Variants in GFRA2 observed in about 807,000 individuals in gnomAD.
The protein encoded by GFRA2 is GDNF family receptor alpha 2.
Under a neutral mutation model 48.3 loss-of-function variants are expected in GFRA2, and 17 were observed. The observed-to-expected ratio is 0.35, with a 90% CI of 0.24 to 0.53. The LOEUF (loss-of-function observed/expected upper bound fraction) is 0.53. GFRA2 is among the 20% of genes least tolerant of loss of function. The pLI, the probability that GFRA2 is intolerant of heterozygous loss-of-function variation, is 0.93. For missense variants in GFRA2, 660 were observed against 637.3 expected (o/e 1.04, Z -0.38); for synonymous variants, 305 against 257.2 (o/e 1.19, Z -1.78).
At chr8:21,783,209 C>T in intron 1 of GFRA2, 2 of 524,250 alleles carry the variant, frequency 3.8e-6, no homozygotes, top group Non-Finnish European at 3.6e-6. Flanking sequence ...ACGTCAGGAG[C>T]CCAGAGGAGA....
intron 7 of GFRA2, among the ~76,000 whole-genome samples, chr8:21,697,901 C>T (rs977452384): frequency 6.6e-6 from 1 of 152,182 alleles, no homozygotes; most frequent in African/African-American, 2.4e-5. Flanking sequence ...TCATCTTCTG[C>T]CATGATTGTG....
At chr8:21,756,533 C>T (rs901899707) in intron 3 of GFRA2, among the ~76,000 whole-genome samples, 1 of 152,172 alleles carries the variant, frequency 6.6e-6, no homozygotes, top group African/African-American at 2.4e-5. Context: ...CCACTGCCAT[C>T]TGCAGCAGAA....
intron 4 of GFRA2, among the ~76,000 whole-genome samples, chr8:21,722,015 G>A (rs1803623904): frequency 6.6e-6 from 1 of 152,302 alleles, no homozygotes; most frequent in Admixed American, 6.5e-5. Flanking sequence ...ATAGACTAAT[G>A]AGAATGCTGT....
rs1585350076 is a variant in GFRA2, at chr8:21,794,051, CAT to C, written c.-35-5859_-35-5858del. ...ATTTACTTAGCAGAGATGAGGTCTC[CAT>C]ATGTTACCCAGGCTGGTCTTGAACT... On this transcript the variant is annotated intron_variant, in intron 2 of 10. Coordinates refer to the GFRA2 transcript ENST00000517328. Among the ~76,000 whole-genome samples the C allele has an allele frequency of 5.9e-5, 9 of 151,746 alleles. 1 individual carries two copies. The South Asian group carries it at 1.9e-3, about 32-fold the overall frequency.
At position 21,693,235 on chromosome 8, in the gene GFRA2, G is replaced by A. The variant is rs1801957534; in HGVS notation, c.*43C>T. On this transcript the variant is annotated 3_prime_UTR_variant, in exon 9 of 9. Coordinates refer to ENST00000524240, the MANE Select transcript of GFRA2 (RefSeq NM_001495.5). ...TCCATTTCGTCAGGCGGCTGTTCTTGTCTGCGTAGCTTTCAAAAATATTCT... is the reference window on the plus strand; with the variant it reads ...TCCATTTCGTCAGGCGGCTGTTCTTATCTGCGTAGCTTTCAAAAATATTCT... 2 of 1,578,872 alleles carry A rather than the reference G, an allele frequency of 1.3e-6. No homozygotes were observed. Among genetic ancestry groups the A allele is most frequent in the Middle Eastern group, 1.7e-4 (1 of 5,956 alleles).
intron 2 of GFRA2, among the ~76,000 whole-genome samples, chr8:21,803,605 C>G (rs1214799928): frequency 6.6e-6 from 1 of 152,166 alleles, no homozygotes; most frequent in Non-Finnish European, 1.5e-5. Context: ...CTCAGATGAG[C>G]ACAGAGTTAA....
chr8:21,781,156 G>T (rs1806966005), intron 2 of GFRA2, among the ~76,000 whole-genome samples: 1 of 152,112 alleles, frequency 6.6e-6, no homozygotes, highest in African/African-American at 2.4e-5. Context: ...CCACTGTCCT[G>T]GTTCCGCCAC....
chr8:21,807,396 C>G (rs2117120921), intron 1 of GFRA2, among the ~76,000 whole-genome samples: 1 of 152,288 alleles, frequency 6.6e-6, no homozygotes, highest in African/African-American at 2.4e-5. Flanking sequence ...GTATTGCAGC[C>G]TCCAGAACCA....
At chr8:21,731,652 G>A (rs1804201079) in intron 4 of GFRA2, among the ~76,000 whole-genome samples, 1 of 152,086 alleles carries the variant, frequency 6.6e-6, no homozygotes, top group Admixed American at 6.6e-5. Context: ...AAGTCTAACG[G>A]CTCCTCGTGC....
rs766106785 is a variant in GFRA2 at position 21,705,131 on chromosome 8, C to G, written c.905-6G>C. 5.6e-6 allele frequency: 9 copies of G among 1,606,194 alleles called. No homozygotes were observed. In the African/African-American group the frequency reaches 8.0e-5, roughly 14 times the overall value. On this transcript the variant is annotated splice_region_variant and splice_polypyrimidine_tract_variant and intron_variant, in intron 5 of 8. Transcript: ENST00000524240. ...GTTAGGTGTCATGTCAAACCCTGGG[C>G]AGGAAGAAAGGTGGGGGAGAGGAGA...
At chr8:21,735,887 G>T (rs183202843) in intron 4 of GFRA2, among the ~76,000 whole-genome samples, 341 of 152,136 alleles carry the variant, frequency 2.2e-3, no homozygotes, top group Middle Eastern at 0.017. Context: ...ACCCAGGGCT[G>T]CTCTTGAACT....
At chr8:21,729,255 A>T (rs1456474261) in intron 4 of GFRA2, among the ~76,000 whole-genome samples, 5 of 152,192 alleles carry the variant, frequency 3.3e-5, no homozygotes, top group Non-Finnish European at 7.4e-5. Flanking sequence ...ACTTGAGCCC[A>T]GGAGCTTGAG....
chr8:21,705,019 C>G lies in GFRA2; in HGVS notation c.1011G>C (p.Lys337Asn). ...GSGNMEEECE[K>N]FLRDFTENPC... ...GGTTCTCGGTGAAGTCCCTGAGGAA[C>G]TTCTCACACTCCTCCTCCATGTTCC... Residue 337 changes from lysine to asparagine, a missense_variant, in exon 6 of 9, where the codon AAG becomes AAC. By Grantham distance (94) the Lys-to-Asn change is moderately conservative. Coordinates refer to ENST00000524240, the MANE Select transcript of GFRA2 (RefSeq NM_001495.5). 6.2e-7 allele frequency: 1 copy of G among 1,611,032 alleles called. No individual in the cohort carries two copies. The highest frequency in any genetic ancestry group is 8.5e-7 in the Non-Finnish European group (1 of 1,179,154).
intron 4 of GFRA2, among the ~76,000 whole-genome samples, chr8:21,736,228 G>A (rs1203503435): frequency 6.6e-6 from 1 of 152,068 alleles, no homozygotes; most frequent in Non-Finnish European, 1.5e-5. Context: ...AGCTGTTCAA[G>A]CATCCACAGG....
chr8:21,769,406 A>G (rs1365026566), intron 3 of GFRA2, among the ~76,000 whole-genome samples: 1 of 152,152 alleles, frequency 6.6e-6, no homozygotes, highest in Non-Finnish European at 1.5e-5. Context: ...AGCTCCCTCC[A>G]GTCAGCGAAC....
At chr8:21,755,743 G>C (rs999297633) in intron 3 of GFRA2, among the ~76,000 whole-genome samples, 1 of 152,242 alleles carries the variant, frequency 6.6e-6, no homozygotes, top group Non-Finnish European at 1.5e-5. Flanking sequence ...GCACAGAGGG[G>C]AGCAGGTGCA....
At chr8:21,695,635 G>C (rs1007477328) in intron 7 of GFRA2, among the ~76,000 whole-genome samples, 1 of 152,094 alleles carries the variant, frequency 6.6e-6, no homozygotes. Flanking sequence ...CTCCCCAGCT[G>C]TTGCCCTCTG....
intron 4 of GFRA2, among the ~76,000 whole-genome samples, chr8:21,722,706 C>T (rs983950491): frequency 6.6e-6 from 1 of 152,188 alleles, no homozygotes; most frequent in African/African-American, 2.4e-5. Context: ...GTCCCCTTTC[C>T]CCCCCAGTCA....
In GFRA2 at chr8:21,760,544, G is replaced by A. The variant is rs1309326821; in HGVS notation, c.440-9602C>T. Among the ~76,000 whole-genome samples the A allele has an allele frequency of 1.3e-5, 2 of 152,310 alleles. 1 individual carries two copies. Among genetic ancestry groups the A allele is most frequent in the African/African-American group, 4.8e-5 (2 of 41,572 alleles). ...TTCACGAAAAAGGAAAGACTTGGAA[G>A]GAAAGAAGAGAGGCAGAATGAAATG... On this transcript the variant is annotated intron_variant, in intron 3 of 8. Coordinates refer to ENST00000524240, the MANE Select transcript of GFRA2 (RefSeq NM_001495.5).
Sources: gnomAD v4.1 joint callset for allele counts (sites outside exome capture counted in the v4.1 genomes callset) on GRCh38, gnomAD v4.1.1 for gene constraint, MANE v1.5 for transcripts, NCBI Gene and HGNC (gene_info 2026-07-23, HGNC 2026-07-21) for gene names.